Variants in SLC49A4 observed in about 807,000 individuals in gnomAD.
The protein encoded by SLC49A4 is solute carrier family 49 member 4, also known as disrupted in renal cancer protein 2.
A neutral mutation model predicts 50.6 loss-of-function variants in SLC49A4; 36 were observed. The ratio of observed to expected loss-of-function variants is 0.71; its 90% confidence interval spans 0.55 to 0.94. The LOEUF is 0.94. SLC49A4 is among the 40% of genes least tolerant of loss of function. SLC49A4 has a pLI of 0.00. For synonymous variants in SLC49A4, 248 were observed against 241.2 expected (o/e 1.03, Z -0.26); for missense variants, 503 against 605.7 (o/e 0.83, Z 1.78).
chr3:122,875,664 T>C (rs1375513218), intron 8 of SLC49A4, among the ~76,000 whole-genome samples: 1 of 152,188 alleles, frequency 6.6e-6, no homozygotes, highest in East Asian at 1.9e-4. Flanking sequence ...GAAGGCCTGA[T>C]TTTTAATCAT....
intron 1 of SLC49A4, among the ~76,000 whole-genome samples, chr3:122,798,248 A>C (rs562919115): frequency 6.6e-6 from 1 of 152,216 alleles, no homozygotes; most frequent in Middle Eastern, 3.4e-3. Flanking sequence ...TATTTTTATC[A>C]GGAGCATTTT....
intron 2 of SLC49A4, among the ~76,000 whole-genome samples, chr3:122,819,243 CAAAAAAAAAAA>C (rs777101254): frequency 2.0e-5 from 2 of 100,592 alleles, no homozygotes; most frequent in Admixed American, 2.3e-4. Context: ...GACCCTGCCT[CAAAAAAAAAAA>C]AAAAAAAAAA....
At chr3:122,860,928 C>T (rs543109127) in intron 7 of SLC49A4, among the ~76,000 whole-genome samples, 2 of 152,240 alleles carry the variant, frequency 1.3e-5, no homozygotes, top group East Asian at 1.9e-4. Context: ...TTTTCCTTGC[C>T]TTTTCCAACT....
intron 2 of SLC49A4, among the ~76,000 whole-genome samples, chr3:122,823,565 A>G (rs574908411): frequency 1.3e-5 from 2 of 152,234 alleles, no homozygotes; most frequent in Non-Finnish European, 2.9e-5. Context: ...CACAGTGCCT[A>G]CCCAACACAT....
rs190161241 is a variant in SLC49A4, at chr3:122,823,466, T to A, written c.438-3334T>A. 5.9e-5 allele frequency among the ~76,000 whole-genome samples: 9 copies of A among 152,370 alleles called. No homozygotes were observed. The East Asian group carries it at 1.7e-3, about 29-fold the overall frequency. ...ACTATTGCCTTCTTTTTCTTTATAT[T>A]CCTGCTACAGTGCTAGTATCACTGT... On this transcript the variant is annotated intron_variant, in intron 2 of 8. Transcript: ENST00000261038.
intron 5 of SLC49A4, among the ~76,000 whole-genome samples, chr3:122,848,217 T>C (rs1936882920): frequency 6.6e-6 from 1 of 152,182 alleles, no homozygotes; most frequent in Admixed American, 6.5e-5. Flanking sequence ...CCCATAGATA[T>C]TTGTTAACCT....
At chr3:122,802,303 G>T (rs1274754408) in intron 1 of SLC49A4, among the ~76,000 whole-genome samples, 5 of 152,144 alleles carry the variant, frequency 3.3e-5, no homozygotes, top group Non-Finnish European at 5.9e-5. Flanking sequence ...TACAGAAATG[G>T]GGAGCTCAGT....
At chr3:122,822,108 A>C (rs1367732426) in intron 2 of SLC49A4, among the ~76,000 whole-genome samples, 1 of 152,174 alleles carries the variant, frequency 6.6e-6, no homozygotes, top group East Asian at 1.9e-4. Context: ...AAGGACCTTA[A>C]CTTTTACCTA....
chr3:122,846,235 T>C (rs1439203999), intron 5 of SLC49A4, among the ~76,000 whole-genome samples: 2 of 152,174 alleles, frequency 1.3e-5, no homozygotes, highest in East Asian at 3.9e-4. Context: ...TCTGACTTTC[T>C]CTCTGGGCTC....
intron 3 of SLC49A4, among the ~76,000 whole-genome samples, chr3:122,827,582 C>G (rs995319126): frequency 2.0e-5 from 3 of 152,160 alleles, no homozygotes; most frequent in Non-Finnish European, 4.4e-5. Context: ...CTAAAATATT[C>G]TTTGAATTAT....
At chr3:122,829,374 C>A (rs1041252468) in intron 3 of SLC49A4, among the ~76,000 whole-genome samples, 1 of 152,152 alleles carries the variant, frequency 6.6e-6, no homozygotes, top group African/African-American at 2.4e-5. Context: ...TTTGACAAAT[C>A]CAACACCCTT....
At chr3:122,801,227 G>A (rs545480225) in intron 1 of SLC49A4, among the ~76,000 whole-genome samples, 11 of 152,208 alleles carry the variant, frequency 7.2e-5, no homozygotes, top group Non-Finnish European at 1.6e-4. Flanking sequence ...TTGTCATTCC[G>A]TATTTAATCA....
chr3:122,842,358 T>C (rs796933624), intron 4 of SLC49A4, among the ~76,000 whole-genome samples: 18 of 151,782 alleles, frequency 1.2e-4, no homozygotes, highest in African/African-American at 3.9e-4. Context: ...TGGTAGCGGG[T>C]GCCTGTAGTC....
intron 4 of SLC49A4, among the ~76,000 whole-genome samples, chr3:122,835,268 A>G (rs1208147674): frequency 1.3e-5 from 2 of 152,172 alleles, no homozygotes; most frequent in African/African-American, 4.8e-5. Flanking sequence ...TCCCTAACTC[A>G]TTCTATGAAG....
At chr3:122,876,592 C>G (rs977629434) in intron 8 of SLC49A4, among the ~76,000 whole-genome samples, 5 of 152,194 alleles carry the variant, frequency 3.3e-5, no homozygotes, top group African/African-American at 1.2e-4. Context: ...CAGCTGGCTG[C>G]TCACCTTGAG....
intron 8 of SLC49A4, among the ~76,000 whole-genome samples, chr3:122,877,300 G>A (rs559325999): frequency 1.3e-5 from 2 of 152,314 alleles, no homozygotes; most frequent in Non-Finnish European, 2.9e-5. Flanking sequence ...AAGAACACTT[G>A]TAGTTGATTG....
chr3:122,861,363 C>G (rs1937056385), intron 7 of SLC49A4, among the ~76,000 whole-genome samples: 1 of 152,170 alleles, frequency 6.6e-6, no homozygotes, highest in Non-Finnish European at 1.5e-5. Context: ...TCTGTTATTA[C>G]TCCTTCCTTT....
At chr3:122,861,393 A>G (rs1251926875) in intron 7 of SLC49A4, among the ~76,000 whole-genome samples, 1 of 152,162 alleles carries the variant, frequency 6.6e-6, no homozygotes, top group Non-Finnish European at 1.5e-5. Context: ...AAATATTAAG[A>G]TGCATATTTT....
chr3:122,865,544 C>T (rs987882117), intron 7 of SLC49A4, among the ~76,000 whole-genome samples: 4 of 152,108 alleles, frequency 2.6e-5, no homozygotes, highest in African/African-American at 9.7e-5. Context: ...TGTGTGTGTA[C>T]ACACATACAT....
Sources: gnomAD v4.1 joint callset for allele counts (sites outside exome capture counted in the v4.1 genomes callset) on GRCh38, gnomAD v4.1.1 for gene constraint, MANE v1.5 for transcripts, NCBI Gene and HGNC (gene_info 2026-07-23, HGNC 2026-07-21) for gene names.